The following STK3 variants were observed in gnomAD, a reference collection of about 807,000 sequenced individuals.
STK3 encodes serine/threonine-protein kinase 3.
A neutral mutation model predicts 58.0 loss-of-function variants in STK3; 41 were observed. The ratio of observed to expected loss-of-function variants is 0.71; its 90% CI spans 0.55 to 0.92. The LOEUF (loss-of-function observed/expected upper bound fraction) is 0.92. Among genes scored for constraint, STK3 ranks in the 40% least tolerant of loss-of-function variants. The probability of loss-of-function intolerance (pLI) is 0.00; values close to 1 mark genes in which losing one functional copy is unlikely to be tolerated. For missense variants in STK3, 479 were observed against 602.7 expected, an observed-to-expected ratio of 0.79 and a Z score of 2.15; for synonymous variants, 170 against 191.0, an observed-to-expected ratio of 0.89 and a Z score of 0.91.
At chr8:98,529,285 A>AG (rs372909315) in intron 9 of STK3, among the ~76,000 whole-genome samples, 7,262 of 151,102 alleles carry the variant, frequency 0.048, 207 homozygotes, top group African/African-American at 0.073. Context: ...AAAAAACAAA[A>AG]GGGGGGGGGA....
intron 9 of STK3, among the ~76,000 whole-genome samples, chr8:98,535,971 T>C (rs1809724538): frequency 6.6e-6 from 1 of 152,078 alleles, no homozygotes; most frequent in Non-Finnish European, 1.5e-5. Flanking sequence ...ACAGTTTGAT[T>C]AGAGAGAAGT....
chr8:98,490,477 A>G (rs187164207), intron 10 of STK3, among the ~76,000 whole-genome samples: 2 of 152,190 alleles, frequency 1.3e-5, no homozygotes, highest in Non-Finnish European at 2.9e-5. Context: ...TTTACTTCTT[A>G]GGACATTTTC....
downstream of STK3, among the ~76,000 whole-genome samples, chr8:98,449,699 A>G (rs1563613120): frequency 2.6e-5 from 4 of 152,242 alleles, no homozygotes; most frequent in Admixed American, 2.0e-4. Context: ...TCCTGCCAAA[A>G]CTCATGTTGA....
At chr8:98,758,320 T>A (rs1348631041) in intron 3 of STK3, among the ~76,000 whole-genome samples, 1 of 152,220 alleles carries the variant, frequency 6.6e-6, no homozygotes, top group African/African-American at 2.4e-5. Context: ...ATCATTCTGA[T>A]ACCAAAATGT....
chr8:98,738,693 C>T (rs960873893), intron 4 of STK3, among the ~76,000 whole-genome samples: 5 of 152,158 alleles, frequency 3.3e-5, no homozygotes, highest in African/African-American at 7.2e-5. Context: ...GCATTTCCAT[C>T]TGAGGTACCA....
chr8:98,693,366 C>T (rs1824559963), intron 6 of STK3, among the ~76,000 whole-genome samples: 1 of 152,044 alleles, frequency 6.6e-6, no homozygotes, highest in African/African-American at 2.4e-5. Context: ...CCACTCCAGC[C>T]TGGGTGACAA....
chr8:98,762,348 C>T (rs575872483), intron 3 of STK3, among the ~76,000 whole-genome samples: 26 of 152,304 alleles, frequency 1.7e-4, no homozygotes, highest in African/African-American at 6.0e-4. Context: ...CTCTACCTCT[C>T]GGGTTCAAGT....
chr8:98,652,082 G>C (rs1427876984), intron 6 of STK3, among the ~76,000 whole-genome samples: 1 of 152,164 alleles, frequency 6.6e-6, no homozygotes, highest in Non-Finnish European at 1.5e-5. Context: ...CAGCCAGAGA[G>C]AAAGGTCAAG....
chr8:98,347,132 T>G, the STK3 span, among the ~76,000 whole-genome samples: 247 of 151,928 alleles, frequency 1.6e-3, 8 homozygotes, highest in African/African-American at 5.5e-3. Context: ...GAGATGTATA[T>G]TATAAACCCT....
At chr8:98,662,259 ATAAG>A (rs1309694835) in intron 6 of STK3, among the ~76,000 whole-genome samples, 1 of 152,230 alleles carries the variant, frequency 6.6e-6, no homozygotes, top group East Asian at 1.9e-4. Context: ...ATCAGTAAAA[ATAAG>A]TAAATCGATA....
chr8:98,532,641 CA>C (rs1826247663), intron 9 of STK3, among the ~76,000 whole-genome samples: 1 of 151,934 alleles, frequency 6.6e-6, no homozygotes, highest in Admixed American at 6.6e-5. Context: ...CTGTGAAGCA[CA>C]AAAAAGCAAA....
chr8:98,577,688 T>A (rs181288173), intron 8 of STK3, among the ~76,000 whole-genome samples: 2 of 152,128 alleles, frequency 1.3e-5, no homozygotes, highest in Admixed American at 6.5e-5. Context: ...GCAGCTCTGA[T>A]GAACACTTAG....
At chr8:98,813,010 A>G (rs1166675496) in intron 1 of STK3, among the ~76,000 whole-genome samples, 1 of 148,812 alleles carries the variant, frequency 6.7e-6, no homozygotes, top group East Asian at 2.0e-4. Context: ...CGTTGTGCAC[A>G]TGTACCCTAG....
At chr8:98,818,484 G>A (rs1587697758) in intron 1 of STK3, among the ~76,000 whole-genome samples, 1 of 152,178 alleles carries the variant, frequency 6.6e-6, no homozygotes, top group Middle Eastern at 3.4e-3. Context: ...GAGACTATGT[G>A]GCTTGGTTCC....
chr8:98,663,968 G>A (rs996716604), intron 6 of STK3, among the ~76,000 whole-genome samples: 6 of 152,154 alleles, frequency 3.9e-5, no homozygotes, highest in African/African-American at 7.2e-5. Flanking sequence ...TAGAATTCAC[G>A]TACCACACTT....
At chr8:98,400,686 T>C (rs922167716), downstream of STK3, among the ~76,000 whole-genome samples, 2 of 152,364 alleles carry the variant, frequency 1.3e-5, no homozygotes, top group Non-Finnish European at 2.9e-5. Context: ...GTAAATCTGC[T>C]ACAATAAAAG....
intron 10 of STK3, among the ~76,000 whole-genome samples, chr8:98,482,095 C>T (rs1821899348): frequency 6.6e-6 from 1 of 152,176 alleles, no homozygotes; most frequent in South Asian, 2.1e-4. Context: ...AATATAAACA[C>T]ATCCTGATGT....
chr8:98,711,786 C>CCA (rs1161247153), intron 4 of STK3, among the ~76,000 whole-genome samples: 2 of 152,118 alleles, frequency 1.3e-5, no homozygotes, highest in African/African-American at 4.8e-5. Flanking sequence ...ACAGAGAACG[C>CCA]CACAAAGATA....
chr8:98,503,140 T>C (rs1043823268), intron 10 of STK3, among the ~76,000 whole-genome samples: 4 of 152,160 alleles, frequency 2.6e-5, no homozygotes, highest in East Asian at 1.9e-4. Context: ...CTTGGGAGCA[T>C]GTATGTGTCC....
Sources: gnomAD v4.1 joint callset for allele counts (sites outside exome capture counted in the v4.1 genomes callset) on GRCh38, gnomAD v4.1.1 for gene constraint, MANE v1.5 for transcripts, NCBI Gene and HGNC (gene_info 2026-07-23, HGNC 2026-07-21) for gene names.